Variants in GPR141 observed in about 807,000 individuals in gnomAD.
The protein encoded by GPR141 is probable G protein-coupled receptor 141.
In GPR141, 6 loss-of-function variants were observed where a neutral mutation model predicts 6.8. That is an observed-to-expected ratio of 0.88 (90% CI 0.48 to 1.74). The LOEUF is 1.74. Ranked by LOEUF, GPR141 falls within the 40% of genes most tolerant of loss-of-function variation. GPR141 has a pLI of 0.01. For missense variants in GPR141, 372 were observed against 372.9 expected, an observed-to-expected ratio of 1.00 and a Z score of 0.02; for synonymous variants, 140 against 142.3, an observed-to-expected ratio of 0.98 and a Z score of 0.11.
rs1228290096 is a variant in GPR141, at chr7:37,743,192, A to G, written c.*1881A>G. On this transcript the variant is annotated 3_prime_UTR_variant, in exon 3 of 3. Transcript: ENST00000334425. Reference sequence around the variant, plus strand: ...AGGGAACTTTTTTTTTCATCAAGGTATATCTTCGGGATTTAAAAGTTTTTC... The same window carrying G: ...AGGGAACTTTTTTTTTCATCAAGGTGTATCTTCGGGATTTAAAAGTTTTTC... Among the ~76,000 whole-genome samples the G allele has an allele frequency of 1.3e-5, 2 of 149,672 alleles. No individual in the cohort carries two copies. The highest frequency in any genetic ancestry group is 3.0e-5 in the Non-Finnish European group (2 of 67,560).
At chr7:37,724,199 A>T (rs1405192719) in intron 2 of GPR141, among the ~76,000 whole-genome samples, 1 of 152,198 alleles carries the variant, frequency 6.6e-6, no homozygotes, top group African/African-American at 2.4e-5. Flanking sequence ...AGGATAGCTC[A>T]AATCCAGAAG....
At chr7:37,687,395 T>G (rs1809558322) in intron 2 of GPR141, among the ~76,000 whole-genome samples, 1 of 152,130 alleles carries the variant, frequency 6.6e-6, no homozygotes, top group Non-Finnish European at 1.5e-5. Context: ...AAAGTGCCTC[T>G]CACCTCTACT....
At chr7:37,697,322 T>C (rs890123986) in intron 2 of GPR141, among the ~76,000 whole-genome samples, 4 of 152,204 alleles carry the variant, frequency 2.6e-5, no homozygotes, top group Non-Finnish European at 4.4e-5. Flanking sequence ...TTAGCATAAA[T>C]GGAAAAAGAA....
At chr7:37,715,456 A>G (rs1036429034) in intron 2 of GPR141, among the ~76,000 whole-genome samples, 5 of 152,146 alleles carry the variant, frequency 3.3e-5, no homozygotes, top group Non-Finnish European at 5.9e-5. Flanking sequence ...TCCTCCTTTA[A>G]AAAAAACCAA....
At chr7:37,732,259 A>G (rs1255540635) in intron 2 of GPR141, among the ~76,000 whole-genome samples, 1 of 140,412 alleles carries the variant, frequency 7.1e-6, no homozygotes, top group Non-Finnish European at 1.5e-5. Context: ...TGCAAAAGTA[A>G]TTGCGGTTTT....
intron 2 of GPR141, among the ~76,000 whole-genome samples, chr7:37,695,001 C>T (rs1809950996): frequency 6.6e-6 from 1 of 152,198 alleles, no homozygotes; most frequent in Non-Finnish European, 1.5e-5. Context: ...CAGCTTAGGG[C>T]CCTGAAGGCA....
At chr7:37,710,620 T>G (rs1047146830) in intron 2 of GPR141, among the ~76,000 whole-genome samples, 3 of 152,208 alleles carry the variant, frequency 2.0e-5, no homozygotes, top group Admixed American at 2.0e-4. Context: ...ATCTTGCATT[T>G]GTTGATTTGT....
At chr7:37,720,679 T>G (rs1811276352) in intron 2 of GPR141, among the ~76,000 whole-genome samples, 1 of 147,454 alleles carries the variant, frequency 6.8e-6, no homozygotes, top group Non-Finnish European at 1.5e-5. Flanking sequence ...AGGCGGAGCT[T>G]GCAGTGAGCT....
At chr7:37,695,568 A>T (rs1160957618) in intron 2 of GPR141, among the ~76,000 whole-genome samples, 1 of 152,124 alleles carries the variant, frequency 6.6e-6, no homozygotes, top group Non-Finnish European at 1.5e-5. Context: ...GGGGGATGGG[A>T]TGTAGGAGTC....
rs529825636 is a variant in GPR141 at position 37,712,322 on chromosome 7, C to T, written c.-15+26739C>T. Among the ~76,000 whole-genome samples, 40 of 152,096 alleles carry T rather than the reference C, an allele frequency of 2.6e-4. 1 individual carries two copies. The highest frequency in any genetic ancestry group is 2.0e-3 in the Admixed American group (30 of 15,268). ...CCATATCTCCTGGGCTGGCCTGAAT[C>T]GGTGGTATATGGTATAGGGAGGAGG... On this transcript the variant is annotated intron_variant, in intron 2 of 2. Coordinates refer to ENST00000334425, the MANE Select transcript of GPR141 (RefSeq NM_001381946.1).
At position 37,743,635 on chromosome 7, in the gene GPR141, A is replaced by T. The variant is rs1041805180; in HGVS notation, c.*2324A>T. The stretch of plus-strand genomic sequence containing the variant: ...TAGATTATGTCATACTCTTTTCCAG[A>T]TTTTAGATATGTTGAGGTCAGGCAA... On this transcript the variant is annotated 3_prime_UTR_variant, in exon 3 of 3. Transcript: ENST00000334425. 2.6e-5 allele frequency among the ~76,000 whole-genome samples: 4 copies of T among 152,026 alleles called. No individual in the cohort carries two copies. The highest frequency in any genetic ancestry group is 2.0e-4 in the Admixed American group (3 of 15,256).
chr7:37,740,874 T>C lies in GPR141; in HGVS notation c.481T>C (p.Tyr161His). Residue 161 changes from tyrosine to histidine, a missense_variant, in exon 3 of 3, where the codon TAC becomes CAC. Coordinates refer to ENST00000334425, the MANE Select transcript of GPR141 (RefSeq NM_001381946.1). ...CTCCCGGTATGGAATCCATGAGGAA[T>C]ACAATGAGGAGCACTGTTTTAAATT... ...VVSRYGIHEE[Y>H]NEEHCFKFHK... 1 of 1,614,116 alleles carries C rather than the reference T, an allele frequency of 6.2e-7. No individual in the cohort carries two copies. The highest frequency in any genetic ancestry group is 8.5e-7 in the Non-Finnish European group (1 of 1,179,942).
At chr7:37,732,768 T>C (rs976788474) in intron 2 of GPR141, among the ~76,000 whole-genome samples, 1 of 152,206 alleles carries the variant, frequency 6.6e-6, no homozygotes, top group African/African-American at 2.4e-5. Flanking sequence ...CAGGACTCTT[T>C]ATAAGAGCTA....
At chr7:37,703,571 G>C (rs1479960190) in intron 2 of GPR141, among the ~76,000 whole-genome samples, 1 of 152,152 alleles carries the variant, frequency 6.6e-6, no homozygotes, top group Middle Eastern at 3.2e-3. Flanking sequence ...CTAAGAAACA[G>C]AATTGAATCC....
At chr7:37,692,504 A>G (rs1017414145) in intron 2 of GPR141, among the ~76,000 whole-genome samples, 2 of 152,168 alleles carry the variant, frequency 1.3e-5, no homozygotes, top group African/African-American at 4.8e-5. Flanking sequence ...TCCTTTGGGT[A>G]TATACCCAGT....
At chr7:37,697,615 C>T (rs1039919442) in intron 2 of GPR141, among the ~76,000 whole-genome samples, 7 of 152,060 alleles carry the variant, frequency 4.6e-5, no homozygotes, top group African/African-American at 1.4e-4. Flanking sequence ...GTGAAGGTGG[C>T]GAGATCAGAA....
chr7:37,710,259 T>C (rs1024707254), intron 2 of GPR141, among the ~76,000 whole-genome samples: 1 of 152,170 alleles, frequency 6.6e-6, no homozygotes, highest in Non-Finnish European at 1.5e-5. Context: ...AATGTTATTA[T>C]GGAAAATTTG....
intron 2 of GPR141, among the ~76,000 whole-genome samples, chr7:37,698,715 G>T (rs1349139816): frequency 1.3e-5 from 2 of 152,158 alleles, no homozygotes; most frequent in African/African-American, 4.8e-5. Context: ...ACAAAATTTT[G>T]CAATAGACTT....
intron 2 of GPR141, among the ~76,000 whole-genome samples, chr7:37,693,083 C>T (rs577186151): frequency 6.6e-6 from 1 of 152,272 alleles, no homozygotes; most frequent in African/African-American, 2.4e-5. Context: ...TTGCCCATGC[C>T]TATGTCCTGA....
Sources: gnomAD v4.1 joint callset for allele counts (sites outside exome capture counted in the v4.1 genomes callset) on GRCh38, gnomAD v4.1.1 for gene constraint, MANE v1.5 for transcripts, NCBI Gene and HGNC (gene_info 2026-07-23, HGNC 2026-07-21) for gene names.